CTNNA2: variants seen among roughly 807,000 people sequenced by gnomAD.
CTNNA2 encodes catenin alpha-2.
In CTNNA2, 42 loss-of-function variants were observed where a neutral mutation model predicts 101.0. The observed-to-expected ratio is 0.42, with a 90% CI of 0.32 to 0.54. The LOEUF is 0.54. CTNNA2 is among the 20% of genes least tolerant of loss of function. CTNNA2 has a pLI of 0.14. For synonymous variants in CTNNA2, 450 were observed against 456.4 expected, an observed-to-expected ratio of 0.99 and a Z score of 0.18; for missense variants, 871 against 1,223.1, an observed-to-expected ratio of 0.71 and a Z score of 4.29.
At chr2:79,521,182 G>A (rs1203012493) in intron 1 of CTNNA2, among the ~76,000 whole-genome samples, 3 of 131,246 alleles carry the variant, frequency 2.3e-5, no homozygotes, top group East Asian at 2.3e-4. Flanking sequence ...TTTAAGGTGC[G>A]CTATTTAATA....
chr2:80,646,123 G>A (rs1312846444), intron 18 of CTNNA2, among the ~76,000 whole-genome samples: 3 of 152,044 alleles, frequency 2.0e-5, no homozygotes, highest in African/African-American at 4.8e-5. Context: ...GAAATGATAC[G>A]AAGCTAAAGT....
rs181931138 is a variant in CTNNA2 at position 80,011,248 on chromosome 2, A to T, written c.1056+101451A>T. Reference sequence around the variant, plus strand: ...AAGATTATTTATATTTTCAACTCAGAGGCAGAGCTTGGTAAAATGCTATAG... The same window carrying T: ...AAGATTATTTATATTTTCAACTCAGTGGCAGAGCTTGGTAAAATGCTATAG... On this transcript the variant is annotated intron_variant, in intron 7 of 18. Coordinates refer to ENST00000402739, the MANE Select transcript of CTNNA2 (RefSeq NM_001282597.3). Among the ~76,000 whole-genome samples the T allele has an allele frequency of 2.3e-3, 358 of 152,346 alleles. 1 individual carries two copies. Among genetic ancestry groups the T allele is most frequent in the African/African-American group, 8.3e-3 (345 of 41,588 alleles).
chr2:79,248,228 G>C (rs921548850), intron 2 of CTNNA2, among the ~76,000 whole-genome samples: 13 of 151,988 alleles, frequency 8.6e-5, no homozygotes, highest in African/African-American at 3.1e-4. Context: ...TGTCTTGACC[G>C]GTGCTATTCA....
At chr2:79,638,006 A>G (rs1680193150) in intron 1 of CTNNA2, among the ~76,000 whole-genome samples, 1 of 152,198 alleles carries the variant, frequency 6.6e-6, no homozygotes, top group Non-Finnish European at 1.5e-5. Context: ...GCCTTCCTCC[A>G]TGACTGTCTG....
intron 4 of CTNNA2, among the ~76,000 whole-genome samples, chr2:79,450,830 G>T (rs1670735637): frequency 6.6e-6 from 1 of 152,078 alleles, no homozygotes; most frequent in African/African-American, 2.4e-5. Context: ...CTACATTTAA[G>T]AAAGATGAAT....
At chr2:79,668,618 A>G (rs980495548) in intron 2 of CTNNA2, among the ~76,000 whole-genome samples, 1 of 152,198 alleles carries the variant, frequency 6.6e-6, no homozygotes, top group African/African-American at 2.4e-5. Flanking sequence ...CACCTCTTGG[A>G]CACAGTGAGT....
At chr2:79,764,794 C>A (rs1673025833) in intron 3 of CTNNA2, among the ~76,000 whole-genome samples, 1 of 152,052 alleles carries the variant, frequency 6.6e-6, no homozygotes. Context: ...TTTAGATAGA[C>A]TAAAACTAGA....
At chr2:80,451,607 T>A (rs1683511481) in intron 9 of CTNNA2, among the ~76,000 whole-genome samples, 1 of 152,220 alleles carries the variant, frequency 6.6e-6, no homozygotes, top group East Asian at 1.9e-4. Flanking sequence ...GAGACAGTTG[T>A]GAGAATCACT....
In CTNNA2 at chr2:80,302,173, C is replaced by G; in HGVS notation, c.1057-91038C>G. ...CATATCAGAGCACAGACAAGGAGAC[C>G]CCAGCCTGGTGCCCGCCGGCCCGTC... On this transcript the variant is annotated intron_variant, in intron 7 of 18. Transcript: ENST00000402739. The surrounding 1 kb of genome is among the most constrained non-coding windows in gnomAD (Gnocchi z 6.4). 2.6e-6 allele frequency: 4 copies of G among 1,542,900 alleles called. 1 individual carries two copies. The South Asian group carries it at 5.1e-5, about 20-fold the overall frequency.
At chr2:80,511,031 T>A (rs1368897) in intron 9 of CTNNA2, among the ~76,000 whole-genome samples, 102,189 of 151,998 alleles carry the variant, frequency 0.67, 34,837 homozygotes, top group African/African-American at 0.71. Flanking sequence ...AAGGCTTTGG[T>A]GGCAACTTAC....
intron 8 of CTNNA2, among the ~76,000 whole-genome samples, chr2:80,417,552 T>C (rs1680152437): frequency 6.6e-6 from 1 of 151,992 alleles, no homozygotes; most frequent in African/African-American, 2.4e-5. Flanking sequence ...TTATGGCATT[T>C]GATGTGGTGT....
At chr2:80,273,878 CT>C (rs916152503) in intron 7 of CTNNA2, among the ~76,000 whole-genome samples, 3 of 152,064 alleles carry the variant, frequency 2.0e-5, no homozygotes, top group African/African-American at 7.2e-5. Context: ...TACCTTTCCC[CT>C]GTTTATCTTG....
chr2:79,406,039 T>C (rs182602012), intron 4 of CTNNA2, among the ~76,000 whole-genome samples: 2 of 151,928 alleles, frequency 1.3e-5, no homozygotes, highest in African/African-American at 2.4e-5. Context: ...TGTCACAGAA[T>C]TGAAGGAGAA....
chr2:80,212,578 G>A (rs899511045), intron 7 of CTNNA2, among the ~76,000 whole-genome samples: 6 of 152,090 alleles, frequency 3.9e-5, no homozygotes, highest in Admixed American at 6.6e-5. Flanking sequence ...CAACTTGATC[G>A]TGGTGGATAA....
intron 7 of CTNNA2, among the ~76,000 whole-genome samples, chr2:80,068,298 T>C (rs1698109777): frequency 1.3e-5 from 2 of 152,154 alleles, no homozygotes; most frequent in African/African-American, 4.8e-5. Context: ...ACTAAGTGCT[T>C]TGAAGTACCT....
intron 15 of CTNNA2, among the ~76,000 whole-genome samples, chr2:80,589,904 G>GTGCA (rs1553400674): frequency 1.2e-5 from 1 of 82,554 alleles, no homozygotes; most frequent in Non-Finnish European, 2.9e-5. Context: ...GTGTGTGTGT[G>GTGCA]TGCGCGCGCG....
intron 9 of CTNNA2, among the ~76,000 whole-genome samples, chr2:80,523,831 C>G (rs890010493): frequency 6.6e-6 from 1 of 152,138 alleles, no homozygotes; most frequent in Non-Finnish European, 1.5e-5. Context: ...AATCTTGATA[C>G]AAATTCTTTA....
At chr2:79,878,653 A>G (rs1683197401) in intron 6 of CTNNA2, among the ~76,000 whole-genome samples, 2 of 152,126 alleles carry the variant, frequency 1.3e-5, no homozygotes, top group Non-Finnish European at 2.9e-5. Context: ...GTCTGTTCAT[A>G]TCCTTTCTCC....
chr2:79,922,900 A>C (rs909818189), intron 7 of CTNNA2, among the ~76,000 whole-genome samples: 1 of 152,162 alleles, frequency 6.6e-6, no homozygotes, highest in Non-Finnish European at 1.5e-5. Context: ...ATCTAGAGAC[A>C]ACATTGGATT....
Sources: gnomAD v4.1 joint callset for allele counts (sites outside exome capture counted in the v4.1 genomes callset) on GRCh38, gnomAD v4.1.1 for gene constraint, Gnocchi (gnomAD v3.1) non-coding constraint, MANE v1.5 for transcripts, NCBI Gene and HGNC (gene_info 2026-07-23, HGNC 2026-07-21) for gene names.